The following NUP155 variants were observed in gnomAD, a reference collection of about 807,000 sequenced individuals.
The protein encoded by NUP155 is nuclear pore complex protein Nup155.
NUP155 carries 71 observed loss-of-function variants against 180.4 expected under a neutral mutation model. The ratio of observed to expected loss-of-function variants is 0.39; its 90% CI spans 0.33 to 0.48. The LOEUF is 0.48. NUP155 is among the 20% of genes least tolerant of loss of function. The pLI is 0.91. For missense variants in NUP155, 1,553 were observed against 1,648.9 expected (o/e 0.94, Z 1.01); for synonymous variants, 582 against 559.5 (o/e 1.04, Z -0.57).
At chr5:37,351,414 C>T in intron 5 of NUP155, 58 bp from the exon 6 acceptor site, 1 of 1,207,354 alleles carries the variant, frequency 8.3e-7, no homozygotes, top group Admixed American at 1.9e-5. Context: ...TTTTAAAAAT[C>T]TTTGCATTAT....
At chr5:37,355,040 C>T (rs573403459) in intron 4 of NUP155, among the ~76,000 whole-genome samples, 68 of 146,446 alleles carry the variant, frequency 4.6e-4, no homozygotes, top group African/African-American at 1.6e-3. Flanking sequence ...TGCAGTGAGC[C>T]GAGATCGTGC....
chr5:37,329,369 A>C lies in NUP155; in HGVS notation c.1725-91T>G, dbSNP rs1358063157. ...TGTTCCTTTTCCTGTTTAGCTTCCA[A>C]GTAAATGCTTTAAACATTAGAGACT... On this transcript the variant is annotated intron_variant, in intron 15 of 34. Coordinates refer to ENST00000231498, the MANE Select transcript of NUP155 (RefSeq NM_153485.3). 4.2e-6 allele frequency: 4 copies of C among 959,874 alleles called. No homozygotes were observed. The East Asian group carries it at 9.9e-5, about 24-fold the overall frequency. The allele number at this position is 959,874 out of a possible 1,614,324, so 59.5% of individuals were successfully genotyped here.
rs1344118166 is a variant in NUP155, at chr5:37,305,105, C to T, written c.3009G>A (p.Val1003=). ...PSVPKKPGPP[V]LSSDPNMLSN... is the part of the protein sequence containing the mutation. ...TCAGCATATTTGGATCAGATGACAA[C>T]ACTGGAGGACCAGGTTTTTTGGGTA... Residue 1003 remains valine (V), a synonymous_variant, in exon 26 of 35, where the codon GTG becomes GTA. Transcript: ENST00000231498. 6.2e-7 allele frequency: 1 copy of T among 1,613,848 alleles called. No homozygotes were observed. The highest frequency in any genetic ancestry group is 1.3e-5 in the African/African-American group (1 of 74,916).
At chr5:37,344,649 C>A (rs1745959041) in intron 9 of NUP155, among the ~76,000 whole-genome samples, 1 of 151,838 alleles carries the variant, frequency 6.6e-6, no homozygotes, top group Non-Finnish European at 1.5e-5. Flanking sequence ...GCCTGTAATC[C>A]CAGCACTTTG....
At chr5:37,295,042 GTCCCTGTCCCTC>G (rs941405355) in intron 32 of NUP155, among the ~76,000 whole-genome samples, 35 of 152,124 alleles carry the variant, frequency 2.3e-4, no homozygotes, top group South Asian at 1.2e-3. Flanking sequence ...TAGGTTTCCT[GTCCCTGTCCCTC>G]TCCCTGTCCC....
intron 24 of NUP155, among the ~76,000 whole-genome samples, 156 bp from the exon 25 acceptor site, chr5:37,307,588 A>T (rs985015539): frequency 3.9e-5 from 6 of 152,180 alleles, no homozygotes; most frequent in Non-Finnish European, 8.8e-5. Flanking sequence ...CTTCAGAAGG[A>T]AAAGGTCTTA....
rs771320677 is a variant in NUP155, at chr5:37,299,562, C to T, written c.3568G>A (p.Gly1190Arg). 1 of 1,613,986 alleles carries T rather than the reference C, an allele frequency of 6.2e-7. No homozygotes were observed. The highest frequency in any genetic ancestry group is 8.5e-7 in the Non-Finnish European group (1 of 1,179,956). ...SELMDITKLYGEFADPFKLAE... is the reference protein window; with the variant it reads ...SELMDITKLYREFADPFKLAE... ...AGTTTAAATGGGTCAGCAAATTCCC[C>T]ATAAAGCTGTGAGAGAAAATCCCAA... The change falls in exon 31 of 35, where the codon GGG (glycine) becomes AGG (arginine). Residue 1190 changes from glycine (G) to arginine (R), a missense_variant. By Grantham distance (125) the Gly-to-Arg change is moderately radical. Coordinates refer to ENST00000231498, the MANE Select transcript of NUP155 (RefSeq NM_153485.3).
At chr5:37,299,038 T>C (rs1581130144) in intron 31 of NUP155, 60 bp from the exon 32 acceptor site, 8 of 931,298 alleles carry the variant, frequency 8.6e-6, no homozygotes, top group African/African-American at 1.6e-5. Context: ...AATGTTTACA[T>C]TGGTTATTTA....
At chr5:37,299,034 T>C in intron 31 of NUP155, 56 bp from the exon 32 acceptor site, 3 of 940,660 alleles carry the variant, frequency 3.2e-6, no homozygotes, top group Non-Finnish European at 5.2e-6. Context: ...GTGAAATGTT[T>C]ACATTGGTTA....
At chr5:37,297,972 G>C (rs557189488) in intron 32 of NUP155, among the ~76,000 whole-genome samples, 1 of 149,954 alleles carries the variant, frequency 6.7e-6, no homozygotes, top group East Asian at 2.0e-4. Context: ...GCACAGTGGC[G>C]AACGCCTTTA....
At chr5:37,353,795 G>A (rs1331544291) in intron 4 of NUP155, among the ~76,000 whole-genome samples, 2 of 152,084 alleles carry the variant, frequency 1.3e-5, no homozygotes, top group Non-Finnish European at 2.9e-5. Context: ...GAGGGAAGGA[G>A]GAACAGGAGT....
intron 21 of NUP155, among the ~76,000 whole-genome samples, chr5:37,317,016 A>C (rs1743929408): frequency 6.7e-6 from 1 of 150,168 alleles, no homozygotes; most frequent in Admixed American, 6.6e-5. Context: ...ACAAAAAAAA[A>C]AAATTAGCCA....
At chr5:37,302,074 A>C (rs1430269398) in intron 29 of NUP155, among the ~76,000 whole-genome samples, 2 of 150,602 alleles carry the variant, frequency 1.3e-5, no homozygotes, top group Non-Finnish European at 1.5e-5. Context: ...TGAATAAGAA[A>C]CAAACTTTTG....
Position 37,364,374 on chromosome 5 carries a change from G to C in NUP155, c.168C>G (p.Thr56=), listed in dbSNP as rs753537039. The C allele has an allele frequency of 6.2e-7, 1 of 1,611,886 alleles. No individual in the cohort carries two copies. The highest frequency in any genetic ancestry group is 1.7e-5 in the Admixed American group (1 of 59,958). Residue 56 remains threonine, a synonymous_variant, in exon 2 of 35, where the codon ACC becomes ACG. Coordinates refer to ENST00000231498, the MANE Select transcript of NUP155 (RefSeq NM_153485.3). ...AATCCATATCTGACATGCCAGAAAC[G>C]GTGGGATTATCTACAAAAAGAAAAT... The part of the protein sequence containing the change: ...LLMVSAPNNP[T]VSGMSDMDYP...
chr5:37,357,521 A>G (rs1746918665), intron 4 of NUP155, among the ~76,000 whole-genome samples: 1 of 151,960 alleles, frequency 6.6e-6, no homozygotes, highest in South Asian at 2.1e-4. Context: ...ACCTTCAGGT[A>G]TATCAAGAAA....
intron 12 of NUP155, among the ~76,000 whole-genome samples, chr5:37,334,186 C>T (rs1043331905): frequency 2.0e-5 from 3 of 151,710 alleles, no homozygotes; most frequent in Admixed American, 6.6e-5. Flanking sequence ...ACTGCAACCT[C>T]GACCTCCCTG....
chr5:37,364,299 G>A lies in NUP155; in HGVS notation c.243C>T (p.Ile81=). The A allele has an allele frequency of 1.2e-6, 2 of 1,612,540 alleles. No homozygotes were observed. The highest frequency in any genetic ancestry group is 1.7e-6 in the Non-Finnish European group (2 of 1,178,554). The part of the protein sequence containing the change: ...GLLSVPNLPE[I]SSIRRVPLPP... The stretch of plus-strand genomic sequence containing the variant: ...GGAGAGGAACTCTTCGGATGGAACT[G>A]ATCTCTGGAAGGTTGGGTACGGACA... Residue 81 remains isoleucine, a synonymous_variant, in exon 2 of 35, where the codon ATC becomes ATT. Coordinates refer to ENST00000231498, the MANE Select transcript of NUP155 (RefSeq NM_153485.3).
chr5:37,363,827 CTACAG>C (rs1747372429), intron 3 of NUP155, 56 bp downstream of exon 3: 4 of 1,088,194 alleles, frequency 3.7e-6, no homozygotes, highest in South Asian at 1.2e-5. Context: ...AGAACACTAG[CTACAG>C]TAAAGTTTAT....
At chr5:37,362,137 T>G (rs1184610917) in intron 3 of NUP155, among the ~76,000 whole-genome samples, 2 of 152,144 alleles carry the variant, frequency 1.3e-5, no homozygotes, top group Non-Finnish European at 2.9e-5. Flanking sequence ...AGACACACAG[T>G]AAGGTAGGAC....
Sources: allele counts gnomAD v4.1 joint callset (sites outside exome capture counted in the v4.1 genomes callset), GRCh38; gene constraint gnomAD v4.1.1; transcripts MANE v1.5; gene names NCBI Gene and HGNC (gene_info 2026-07-23, HGNC 2026-07-21).